Variants in FRMD4A observed in about 807,000 individuals in gnomAD.
The protein encoded by FRMD4A is FERM domain-containing protein 4A.
In FRMD4A, 29 loss-of-function variants were observed where a neutral mutation model predicts 129.1. That is an observed-to-expected ratio of 0.22 (90% CI 0.17 to 0.31). The LOEUF (loss-of-function observed/expected upper bound fraction) is 0.31. FRMD4A is among the 10% of genes least tolerant of loss of function. FRMD4A has a pLI of 1.00. For missense variants in FRMD4A, 1,272 were observed against 1,375.8 expected, an observed-to-expected ratio of 0.92 and a Z score of 1.19; for synonymous variants, 634 against 571.6, an observed-to-expected ratio of 1.11 and a Z score of -1.56.
intron 4 of FRMD4A, among the ~76,000 whole-genome samples, chr10:13,802,631 G>GT (rs1166907018): frequency 7.2e-5 from 11 of 151,844 alleles, no homozygotes; most frequent in East Asian, 3.9e-4. Flanking sequence ...AAAAAAAAAG[G>GT]TTTTTTTTGT....
intron 2 of FRMD4A, among the ~76,000 whole-genome samples, chr10:13,896,357 A>G (rs184585943): frequency 2.4e-3 from 360 of 152,346 alleles, no homozygotes; most frequent in African/African-American, 7.6e-3. Flanking sequence ...GAATGAGTTC[A>G]TATCCTTTGC....
chr10:14,214,675 T>A (rs1485144438), intron 2 of FRMD4A, among the ~76,000 whole-genome samples: 1 of 152,218 alleles, frequency 6.6e-6, no homozygotes, highest in East Asian at 1.9e-4. Context: ...GTTTTGAATG[T>A]TTATAGTCCT....
chr10:14,119,693 C>T (rs1838393359), intron 2 of FRMD4A, among the ~76,000 whole-genome samples: 1 of 152,194 alleles, frequency 6.6e-6, no homozygotes, highest in African/African-American at 2.4e-5. Context: ...AATAATTAAT[C>T]ACTCCCTAAT....
At chr10:13,916,287 C>G (rs2095004391) in intron 2 of FRMD4A, among the ~76,000 whole-genome samples, 1 of 152,176 alleles carries the variant, frequency 6.6e-6, no homozygotes, top group South Asian at 2.1e-4. Context: ...GCTTTGCCTC[C>G]CATCTTCTTC....
Position 13,670,539 on chromosome 10 carries a change from G to A in FRMD4A, c.1252-11C>T, listed in dbSNP as rs1242082365. The stretch of plus-strand genomic sequence containing the variant: ...CTTGCCCGTGAGCTCCTGCATATGT[G>A]AAATGGCATTCGGAGTGAGCACAAA... On this transcript the variant is annotated splice_polypyrimidine_tract_variant and intron_variant, in intron 16 of 24. Coordinates refer to ENST00000357447, the MANE Select transcript of FRMD4A (RefSeq NM_018027.5). 6.8e-6 allele frequency: 11 copies of A among 1,611,900 alleles called. No homozygotes were observed. The highest frequency in any genetic ancestry group is 1.7e-5 in the Admixed American group (1 of 59,954).
Position 13,912,534 on chromosome 10 carries a change from T to G in FRMD4A, c.46-53622A>C, listed in dbSNP as rs1354150922. On this transcript the variant is annotated intron_variant, in intron 2 of 24. Coordinates refer to ENST00000357447, the MANE Select transcript of FRMD4A (RefSeq NM_018027.5). ...CACATAATAGAATTTTTTTTTTTTTTTTTTTTTTTTTTGAGATGGAGTCTC... is the reference window on the plus strand; with the variant it reads ...CACATAATAGAATTTTTTTTTTTTTGTTTTTTTTTTTTGAGATGGAGTCTC... Among the ~76,000 whole-genome samples the G allele has an allele frequency of 2.0e-5, 3 of 147,256 alleles. 1 individual carries two copies. The highest frequency in any genetic ancestry group is 1.5e-5 in the Non-Finnish European group (1 of 66,720).
At chr10:14,096,440 G>A (rs789757) in intron 2 of FRMD4A, among the ~76,000 whole-genome samples, 13,135 of 152,260 alleles carry the variant, frequency 0.086, 901 homozygotes, top group African/African-American at 0.19. Flanking sequence ...CCTGGCAACA[G>A]TTATGGAGAG....
intron 2 of FRMD4A, among the ~76,000 whole-genome samples, chr10:14,258,770 T>C (rs1194244446): frequency 1.3e-5 from 2 of 152,198 alleles, no homozygotes; most frequent in African/African-American, 4.8e-5. Context: ...ACAACTCAAA[T>C]TTCCACCAAT....
chr10:14,127,318 T>C (rs7903320), intron 2 of FRMD4A, among the ~76,000 whole-genome samples: 113,700 of 152,106 alleles, frequency 0.75, 43,159 homozygotes, highest in African/African-American at 0.89. Flanking sequence ...GGCTCTCACC[T>C]GACCTCTGCT....
chr10:13,958,508 C>T (rs896901888), intron 2 of FRMD4A, among the ~76,000 whole-genome samples: 3 of 151,886 alleles, frequency 2.0e-5, no homozygotes, highest in Non-Finnish European at 2.9e-5. Context: ...TGGTCTTGAT[C>T]TCTTGACCTT....
chr10:13,740,135 T>G, intron 11 of FRMD4A, 59 bp downstream of exon 11: 1 of 895,218 alleles, frequency 1.1e-6, no homozygotes, highest in Admixed American at 1.9e-5. Flanking sequence ...TATAACGAGA[T>G]GTTTTGATTT....
chr10:13,824,989 C>T (rs2093680592), intron 3 of FRMD4A, among the ~76,000 whole-genome samples: 1 of 151,652 alleles, frequency 6.6e-6, no homozygotes, highest in Non-Finnish European at 1.5e-5. Context: ...TCACACTTTG[C>T]AGTCATTTTT....
intron 2 of FRMD4A, among the ~76,000 whole-genome samples, chr10:14,294,163 C>A (rs1370074002): frequency 6.6e-6 from 1 of 152,176 alleles, no homozygotes; most frequent in African/African-American, 2.4e-5. Flanking sequence ...CCTAACCATA[C>A]TGGTAGTTAT....
At chr10:14,199,958 T>C (rs1021783917) in intron 2 of FRMD4A, among the ~76,000 whole-genome samples, 4 of 150,616 alleles carry the variant, frequency 2.7e-5, no homozygotes, top group African/African-American at 4.8e-5. Context: ...TTTTGGTATA[T>C]GTTTACATTG....
chr10:13,795,189 G>A (rs945710408), intron 5 of FRMD4A, among the ~76,000 whole-genome samples: 1 of 152,166 alleles, frequency 6.6e-6, no homozygotes, highest in African/African-American at 2.4e-5. Context: ...CTGGAGTCCT[G>A]CCTGATACCA....
intron 2 of FRMD4A, among the ~76,000 whole-genome samples, chr10:13,879,383 T>C (rs1474321844): frequency 1.3e-5 from 2 of 152,076 alleles, no homozygotes; most frequent in Non-Finnish European, 2.9e-5. Flanking sequence ...CATGGAGACA[T>C]GGGCCTGTAG....
chr10:14,175,957 G>A (rs1434679962), intron 2 of FRMD4A, among the ~76,000 whole-genome samples: 2 of 152,206 alleles, frequency 1.3e-5, no homozygotes, highest in Non-Finnish European at 2.9e-5. Context: ...CCAACATATT[G>A]AGTGCAACTC....
intron 12 of FRMD4A, among the ~76,000 whole-genome samples, chr10:13,724,738 G>C (rs181419561): frequency 3.2e-4 from 49 of 152,270 alleles, no homozygotes; most frequent in African/African-American, 1.2e-3. Flanking sequence ...ACCAAGTGTT[G>C]TGTTTGACCC....
intron 2 of FRMD4A, among the ~76,000 whole-genome samples, chr10:14,137,780 T>C (rs4750471): frequency 0.59 from 89,847 of 152,000 alleles, 26,694 homozygotes; most frequent in East Asian, 0.79. Context: ...TGCCCTCCTT[T>C]GCTACGCACT....
Sources: gnomAD v4.1 joint callset for allele counts (sites outside exome capture counted in the v4.1 genomes callset) on GRCh38, gnomAD v4.1.1 for gene constraint, MANE v1.5 for transcripts, NCBI Gene and HGNC (gene_info 2026-07-23, HGNC 2026-07-21) for gene names.